Variants in GKAP1 observed in about 807,000 individuals in gnomAD.
GKAP1 encodes the protein G kinase anchoring protein 1.
GKAP1 carries 31 observed loss-of-function variants against 56.7 expected under a neutral mutation model. The observed-to-expected ratio is 0.55, with a 90% CI of 0.41 to 0.74. The LOEUF (loss-of-function observed/expected upper bound fraction) is 0.74. Among genes scored for constraint, GKAP1 ranks in the 30% least tolerant of loss-of-function variants. The probability of loss-of-function intolerance (pLI) is 0.00; values close to 1 mark genes in which losing one functional copy is unlikely to be tolerated. For synonymous variants in GKAP1, 151 were observed against 138.6 expected (o/e 1.09, Z -0.63); for missense variants, 364 against 402.3 (o/e 0.90, Z 0.82).
intron 8 of GKAP1, among the ~76,000 whole-genome samples, chr9:83,766,927 G>T (rs1429161413): frequency 6.6e-6 from 1 of 152,182 alleles, no homozygotes; most frequent in African/African-American, 2.4e-5. Context: ...GGCAAGAAAG[G>T]AATCACAGAA....
intron 8 of GKAP1, among the ~76,000 whole-genome samples, chr9:83,758,688 G>A (rs1299887007): frequency 6.6e-6 from 1 of 151,802 alleles, no homozygotes; most frequent in African/African-American, 2.4e-5. Flanking sequence ...GGTGAAGGTT[G>A]TAGTGAGCCA....
chr9:83,764,898 C>T (rs1943635817), intron 8 of GKAP1, among the ~76,000 whole-genome samples: 1 of 152,152 alleles, frequency 6.6e-6, no homozygotes, highest in Non-Finnish European at 1.5e-5. Flanking sequence ...AGAAAATTTG[C>T]AGCCTGACAA....
At chr9:83,775,190 A>G (rs943803130) in intron 7 of GKAP1, among the ~76,000 whole-genome samples, 1 of 152,068 alleles carries the variant, frequency 6.6e-6, no homozygotes, top group African/African-American at 2.4e-5. Context: ...GAAAATTTTT[A>G]GAGATGGGAT....
chr9:83,804,615 G>A (rs1944402430), intron 3 of GKAP1, among the ~76,000 whole-genome samples: 1 of 137,186 alleles, frequency 7.3e-6, no homozygotes, highest in African/African-American at 2.8e-5. Context: ...CCATCCAGGA[G>A]GGAGGTGGGG....
At chr9:83,770,542 T>G (rs182261861) in intron 7 of GKAP1, among the ~76,000 whole-genome samples, 30 of 152,338 alleles carry the variant, frequency 2.0e-4, no homozygotes, top group African/African-American at 7.2e-4. Flanking sequence ...TAGTTTTATG[T>G]TGCTCAATCG....
intron 7 of GKAP1, among the ~76,000 whole-genome samples, chr9:83,775,540 C>G (rs1002009769): frequency 6.6e-6 from 1 of 151,960 alleles, no homozygotes; most frequent in Non-Finnish European, 1.5e-5. Context: ...GATGACAGAG[C>G]CTTGGCAGAT....
intron 3 of GKAP1, among the ~76,000 whole-genome samples, chr9:83,800,638 C>T (rs1297881694): frequency 6.6e-6 from 1 of 151,972 alleles, no homozygotes; most frequent in African/African-American, 2.4e-5. Context: ...GCCCGGCCCC[C>T]ACTGCCTCCT....
At chr9:83,779,833 T>C (rs72749106) in intron 7 of GKAP1, among the ~76,000 whole-genome samples, 4,810 of 151,894 alleles carry the variant, frequency 0.032, 151 homozygotes, top group Non-Finnish European at 0.044. Flanking sequence ...ACTAAAAGAT[T>C]TGGAGAGGCT....
intron 7 of GKAP1, among the ~76,000 whole-genome samples, chr9:83,779,612 TACACACAC>T (rs10546262): frequency 1.8e-4 from 23 of 127,380 alleles, no homozygotes; most frequent in African/African-American, 5.0e-4. Flanking sequence ...TATACACATA[TACACACAC>T]ACACACACAC....
chr9:83,769,287 T>G (rs1943716725), intron 7 of GKAP1, among the ~76,000 whole-genome samples: 1 of 152,144 alleles, frequency 6.6e-6, no homozygotes, highest in South Asian at 2.1e-4. Context: ...AGACACTGGT[T>G]TTTTAATATA....
At chr9:83,813,078 C>G (rs1944534647) in intron 2 of GKAP1, among the ~76,000 whole-genome samples, 1 of 152,040 alleles carries the variant, frequency 6.6e-6, no homozygotes, top group Non-Finnish European at 1.5e-5. Flanking sequence ...GGTTAGTATT[C>G]CTTCAGTCTT....
rs1944437589 is a variant in GKAP1, at chr9:83,806,221, A to G, written c.216+81T>C. 14 of 857,490 alleles carry G rather than the reference A, an allele frequency of 1.6e-5. No homozygotes were observed. In the South Asian group the frequency reaches 2.2e-4, roughly 14 times the overall value. 53.1% of individuals were successfully genotyped at this position (857,490 alleles called of 1,614,324 possible). A position where few individuals can be genotyped will look rare whatever the true frequency, so the allele number is the denominator to read the frequency against. On this transcript the variant is annotated intron_variant, in intron 3 of 12. Coordinates refer to ENST00000376371, the MANE Select transcript of GKAP1 (RefSeq NM_025211.4). Reference sequence around the variant, plus strand: ...TACCTGTGGAACAGGTACTATGGATACACAGGGGAACAAGATAGTATCTGT... The same window carrying G: ...TACCTGTGGAACAGGTACTATGGATGCACAGGGGAACAAGATAGTATCTGT...
chr9:83,787,075 G>A (rs1421490779), intron 5 of GKAP1, among the ~76,000 whole-genome samples: 1 of 152,120 alleles, frequency 6.6e-6, no homozygotes, highest in Non-Finnish European at 1.5e-5. Context: ...CCTGCTTTGT[G>A]TCTAAATGGG....
At chr9:83,799,582 T>C (rs1944299636) in intron 3 of GKAP1, among the ~76,000 whole-genome samples, 2 of 152,226 alleles carry the variant, frequency 1.3e-5, no homozygotes, top group Non-Finnish European at 2.9e-5. Context: ...TACTCTATTA[T>C]ACCACCATTT....
At chr9:83,753,473 C>T (rs1943427228) in intron 8 of GKAP1, 114 bp from the exon 9 acceptor site, 7 of 695,470 alleles carry the variant, frequency 1.0e-5, no homozygotes, top group South Asian at 8.0e-5. Context: ...TTTCTGAGGC[C>T]ACCTTATGCT....
At chr9:83,752,825 C>G (rs1285373643) in intron 9 of GKAP1, among the ~76,000 whole-genome samples, 1 of 152,030 alleles carries the variant, frequency 6.6e-6, no homozygotes, top group Non-Finnish European at 1.5e-5. Context: ...AATCCCAGCA[C>G]TTTGGGAGGC....
At chr9:83,770,026 G>A (rs1943730521) in intron 7 of GKAP1, among the ~76,000 whole-genome samples, 1 of 152,144 alleles carries the variant, frequency 6.6e-6, no homozygotes, top group South Asian at 2.1e-4. Context: ...TGTCTTCTCA[G>A]ATCCTTTGCC....
intron 3 of GKAP1, among the ~76,000 whole-genome samples, chr9:83,804,428 C>T (rs1225634819): frequency 7.1e-6 from 1 of 139,978 alleles, no homozygotes; most frequent in African/African-American, 2.7e-5. Context: ...GGCCAGCCAC[C>T]CCGTCCGGGA....
intron 3 of GKAP1, among the ~76,000 whole-genome samples, chr9:83,800,343 T>G (rs72749119): frequency 0.43 from 54,238 of 126,314 alleles, 8,622 homozygotes; most frequent in Admixed American, 0.56. Context: ...TTTTTTTTTG[T>G]TTTTTTTTTT....
Sources: allele counts gnomAD v4.1 joint callset (sites outside exome capture counted in the v4.1 genomes callset), GRCh38; gene constraint gnomAD v4.1.1; transcripts MANE v1.5; gene names NCBI Gene and HGNC (gene_info 2026-07-23, HGNC 2026-07-21).